Variants in NUP214 observed in about 807,000 individuals in gnomAD.
NUP214 encodes the protein nuclear pore complex protein Nup214.
NUP214 carries 79 observed loss-of-function variants against 196.2 expected under a neutral mutation model. The ratio of observed to expected loss-of-function variants is 0.40; its 90% CI spans 0.34 to 0.49. The LOEUF (loss-of-function observed/expected upper bound fraction) is 0.49, where lower values mean the gene tolerates loss of function less well. NUP214 is among the 20% of genes least tolerant of loss of function. The pLI is 0.58. For synonymous variants in NUP214, 1,020 were observed against 990.5 expected, an observed-to-expected ratio of 1.03 and a Z score of -0.56; for missense variants, 2,468 against 2,539.0, an observed-to-expected ratio of 0.97 and a Z score of 0.60.
chr9:131,232,292 T>C lies in NUP214; in HGVS notation c.6223T>C (p.Phe2075Leu). Residue 2075 changes from phenylalanine to leucine, a missense_variant, in exon 35 of 36, where the codon TTT becomes CTT. By Grantham distance (22) the Phe-to-Leu change is conservative. Coordinates refer to ENST00000359428, the MANE Select transcript of NUP214 (RefSeq NM_005085.4). This position sits in a 1 kb window ranked among gnomAD's most constrained non-coding sequence, Gnocchi z 5.1. ...GFGSGTGGFS[F>L]GSNNSSVQGF... Reference sequence around the variant, plus strand: ...CTTATTCTGCTTTTCAGGGTTCAGCTTTGGGTCAAATAACTCGTAAGTATC... The same window carrying C: ...CTTATTCTGCTTTTCAGGGTTCAGCCTTGGGTCAAATAACTCGTAAGTATC... 1 of 1,614,210 alleles carries C rather than the reference T, an allele frequency of 6.2e-7. No individual in the cohort carries two copies. Among genetic ancestry groups the C allele is most frequent in the Non-Finnish European group, 8.5e-7 (1 of 1,180,018 alleles).
At chr9:131,167,497 A>T (rs545412599) in intron 21 of NUP214, 1 of 152,344 alleles carries the variant, frequency 6.6e-6, no homozygotes, top group South Asian at 2.1e-4. Flanking sequence ...TTACATAGCT[A>T]GGAGTGGCAT....
intron 18 of NUP214, among the ~76,000 whole-genome samples, chr9:131,161,656 T>C (rs946161422): frequency 1.3e-5 from 2 of 152,188 alleles, no homozygotes; most frequent in Admixed American, 1.3e-4. Context: ...AAAAGGGAAA[T>C]AAATCCAGAG....
chr9:131,134,193 G>A (rs1291729888), intron 7 of NUP214, among the ~76,000 whole-genome samples: 2 of 152,228 alleles, frequency 1.3e-5, no homozygotes, highest in Non-Finnish European at 2.9e-5. Context: ...CAGTTCTCCC[G>A]CCTCATCTCT....
chr9:131,154,863 G>A (rs2133528770), intron 17 of NUP214, among the ~76,000 whole-genome samples: 1 of 152,242 alleles, frequency 6.6e-6, no homozygotes, highest in African/African-American at 2.4e-5. Context: ...ACGCTCGCGT[G>A]TGTGTCACAT....
Position 131,139,273 on chromosome 9 carries a change from T to C in NUP214, c.1006-8T>C. On this transcript the variant is annotated splice_region_variant and splice_polypyrimidine_tract_variant and intron_variant, in intron 9 of 35. Coordinates refer to ENST00000359428, the MANE Select transcript of NUP214 (RefSeq NM_005085.4). ...TCTTCTTCTTTTTTTTTTTTTTTTT[T>C]TTTTTAGATTAATTGGGAATCTTGG... 1 of 1,383,420 alleles carries C rather than the reference T, an allele frequency of 7.2e-7. No homozygotes were observed. The highest frequency in any genetic ancestry group is 9.3e-7 in the Non-Finnish European group (1 of 1,072,294). The allele number at this position is 1,383,420 out of a possible 1,614,324, so 85.7% of individuals were successfully genotyped here. A position where few individuals can be genotyped will look rare whatever the true frequency, so the allele number is the denominator to read the frequency against.
chr9:131,157,933 A>G (rs189399793), intron 17 of NUP214, among the ~76,000 whole-genome samples: 27 of 152,250 alleles, frequency 1.8e-4, no homozygotes, highest in African/African-American at 6.3e-4. Flanking sequence ...GGCATGAGCC[A>G]CTGCACCCAG....
intron 31 of NUP214, among the ~76,000 whole-genome samples, chr9:131,217,174 CCCATCTCAA>C (rs1834425617): frequency 6.6e-6 from 1 of 152,214 alleles, no homozygotes; most frequent in Non-Finnish European, 1.5e-5. Flanking sequence ...ACAGCAAGTC[CCCATCTCAA>C]AAACCAAACA....
chr9:131,209,614 G>A (rs1377089865), intron 30 of NUP214, among the ~76,000 whole-genome samples: 2 of 152,020 alleles, frequency 1.3e-5, no homozygotes, highest in East Asian at 1.9e-4. Context: ...GGCTGGTCTC[G>A]AACTCCTCAC....
At position 131,163,043 on chromosome 9, in the gene NUP214, C is replaced by T. The variant is rs373979563; in HGVS notation, c.2593C>T (p.Arg865Trp). ...ETLFNTLANNREIINQQRKRL... is the reference protein window; with the variant it reads ...ETLFNTLANNWEIINQQRKRL... Reference sequence around the variant, plus strand: ...ACTGTTTAACACCCTAGCCAACAATCGGGAAATCATCAACCAACAGAGGAA... The same window carrying T: ...ACTGTTTAACACCCTAGCCAACAATTGGGAAATCATCAACCAACAGAGGAA... The change falls in exon 19 of 36, where the codon CGG (arginine) becomes TGG (tryptophan). Residue 865 changes from arginine to tryptophan, a missense_variant. Transcript: ENST00000359428. The T allele has an allele frequency of 1.4e-5, 23 of 1,614,188 alleles. No homozygotes were observed. The highest frequency in any genetic ancestry group is 2.7e-5 in the African/African-American group (2 of 75,050).
intron 22 of NUP214, 45 bp downstream of exon 22, chr9:131,174,363 T>G: frequency 6.3e-7 from 1 of 1,583,906 alleles, no homozygotes; most frequent in Non-Finnish European, 8.6e-7. Flanking sequence ...CTATGATGTT[T>G]CTAACTAATG....
chr9:131,192,941 C>CAAAAA (rs34653431), intron 27 of NUP214, among the ~76,000 whole-genome samples: 2 of 31,034 alleles, frequency 6.4e-5, no homozygotes, highest in South Asian at 1.8e-3. Flanking sequence ...ACCCCGTCTC[C>CAAAAA]AAAAAAAAAA....
chr9:131,226,930 T>A (rs1300965342), intron 32 of NUP214, among the ~76,000 whole-genome samples: 1 of 152,202 alleles, frequency 6.6e-6, no homozygotes, highest in African/African-American at 2.4e-5. Context: ...ATTTCATCCC[T>A]CTAACAACAG....
rs555154407 is a variant in NUP214 at position 131,143,403 on chromosome 9, G to T, written c.1295-877G>T. Among the ~76,000 whole-genome samples the T allele has an allele frequency of 3.6e-4, 55 of 151,998 alleles. 1 individual carries two copies. In the South Asian group the frequency reaches 0.011, roughly 30 times the overall value. ...ATGTTTGTAAGCTTTATTCTTAGAA[G>T]AGAAATTACTGGGTCTGTTTTTTAC... On this transcript the variant is annotated intron_variant, in intron 11 of 35. Transcript: ENST00000359428.
chr9:131,213,270 G>A (rs1445277654), intron 30 of NUP214, among the ~76,000 whole-genome samples: 1 of 151,904 alleles, frequency 6.6e-6, no homozygotes, highest in South Asian at 2.1e-4. Flanking sequence ...CTGCCTCCCG[G>A]GTTCAAGCGA....
chr9:131,214,867 G>A (rs994058892), intron 30 of NUP214, among the ~76,000 whole-genome samples: 22 of 152,282 alleles, frequency 1.4e-4, no homozygotes, highest in Middle Eastern at 3.4e-3. Flanking sequence ...AAATGTTTTC[G>A]AACTTTTTAT....
At chr9:131,151,597 C>A (rs993863715) in intron 16 of NUP214, 139 bp from the exon 17 acceptor site, 18 of 581,904 alleles carry the variant, frequency 3.1e-5, no homozygotes, top group Admixed American at 6.2e-5. Flanking sequence ...CAGTTAAATT[C>A]TTTTTTTACC....
intron 31 of NUP214, among the ~76,000 whole-genome samples, chr9:131,219,805 C>G (rs1408256554): frequency 6.6e-6 from 1 of 152,098 alleles, no homozygotes; most frequent in Non-Finnish European, 1.5e-5. Context: ...TTACAGGGTC[C>G]CTCTACAACT....
intron 33 of NUP214, chr9:131,229,822 A>G (rs539755020): frequency 1.3e-4 from 66 of 502,906 alleles, no homozygotes; most frequent in South Asian, 9.4e-4. Context: ...CCTCACCATT[A>G]AAAGTGAATA....
chr9:131,192,169 C>CTTTTTTTTTTTTTTTTTT, intron 26 of NUP214, 39 bp from the exon 27 acceptor site: 5 of 447,000 alleles, frequency 1.1e-5, no homozygotes, highest in South Asian at 6.3e-5. Flanking sequence ...TTGTAATATT[C>CTTTTTTTTTTTTTTTTTT]TTTTTTTTTT....
Sources: allele counts gnomAD v4.1 joint callset (sites outside exome capture counted in the v4.1 genomes callset), GRCh38; gene constraint gnomAD v4.1.1; non-coding constraint Gnocchi (gnomAD v3.1); transcripts MANE v1.5; gene names NCBI Gene and HGNC (gene_info 2026-07-23, HGNC 2026-07-21).